Variants in HERC2 observed in about 807,000 individuals in gnomAD.
The protein encoded by HERC2 is E3 ubiquitin-protein ligase HERC2.
HERC2 carries 102 observed loss-of-function variants against 537.7 expected under a neutral mutation model. That is an observed-to-expected ratio of 0.19 (90% CI 0.16 to 0.22). The LOEUF is 0.22. Among genes scored for constraint, HERC2 ranks in the 10% least tolerant of loss-of-function variants. HERC2 has a pLI of 1.00. For synonymous variants in HERC2, 2,224 were observed against 2,466.2 expected (o/e 0.90, Z 2.91); for missense variants, 4,236 against 6,198.2 (o/e 0.68, Z 10.63).
intron 57 of HERC2, among the ~76,000 whole-genome samples, chr15:28,181,484 G>A (rs1895813172): frequency 6.6e-6 from 1 of 152,212 alleles, no homozygotes; most frequent in African/African-American, 2.4e-5. Flanking sequence ...GAGTTCAAAT[G>A]AATGAGTTCT....
At chr15:28,130,721 G>C in intron 81 of HERC2, 127 bp from the exon 82 acceptor site, 1 of 771,204 alleles carries the variant, frequency 1.3e-6, no homozygotes, top group South Asian at 1.5e-5. Context: ...AATAATTAGT[G>C]CAACATAAAA....
At chr15:28,131,567 C>T (rs1038434445) in intron 81 of HERC2, among the ~76,000 whole-genome samples, 3 of 152,186 alleles carry the variant, frequency 2.0e-5, no homozygotes, top group Non-Finnish European at 2.9e-5. Flanking sequence ...GATAAGAAAT[C>T]GCCTGCAGCC....
intron 69 of HERC2, among the ~76,000 whole-genome samples, chr15:28,162,816 A>C: frequency 6.6e-6 from 1 of 152,174 alleles, no homozygotes; most frequent in East Asian, 1.9e-4. Flanking sequence ...GTGTGAACCC[A>C]GGAGGCAGAG....
chr15:28,260,202 A>G (rs762411805), intron 16 of HERC2, among the ~76,000 whole-genome samples: 2 of 152,210 alleles, frequency 1.3e-5, no homozygotes, highest in South Asian at 4.2e-4. Context: ...AATGTTTAAG[A>G]AAAAGAAAAG....
Position 28,132,682 on chromosome 15 carries a change from C to A in HERC2, c.12379G>T (p.Asp4127Tyr). Residue 4127 changes from aspartate to tyrosine, a missense_variant, in exon 80 of 93, where the codon GAC becomes TAC. This residue lies in a region of HERC2 where 94 missense variants were observed against 137.4 expected (regional missense o/e 0.68). Coordinates refer to ENST00000261609, the MANE Select transcript of HERC2 (RefSeq NM_004667.6). ...KGRYGRLGHSDSEDQLKPKLV... is the reference protein window; with the variant it reads ...KGRYGRLGHSYSEDQLKPKLV... ...TTCGGCTTCAGCTGGTCCTCACTGT[C>A]GCTGTGCCCCAGCCGGCCGTAGCGG... 6.3e-7 allele frequency: 1 copy of A among 1,577,546 alleles called. No homozygotes were observed. Among genetic ancestry groups the A allele is most frequent in the Non-Finnish European group, 8.6e-7 (1 of 1,161,380 alleles).
At chr15:28,144,282 C>A in intron 72 of HERC2, 47 bp from the exon 73 acceptor site, 1 of 1,595,508 alleles carries the variant, frequency 6.3e-7, no homozygotes, top group Non-Finnish European at 8.6e-7. Flanking sequence ...AAGCTAGGTA[C>A]CACCCCATAA....
At chr15:28,253,100 CA>C (rs2075135890) in intron 20 of HERC2, among the ~76,000 whole-genome samples, 1 of 152,238 alleles carries the variant, frequency 6.6e-6, no homozygotes. Flanking sequence ...CATAGAGGTA[CA>C]AATGTGTTTC....
rs1466221657 is a variant in HERC2, at chr15:28,111,834, C to T, written c.14434G>A (p.Asp4812Asn). Reference protein sequence around the residue: ...TGEPAADDSSDDSDNEDVDSF... With the variant: ...TGEPAADDSSNDSDNEDVDSF... The stretch of plus-strand genomic sequence containing the variant: ...TCGACATCCTCGTTATCTGAATCGT[C>T]GCTGCTGTCGTCGGCGGCTGGCTCT... Residue 4812 changes from aspartate to asparagine, a missense_variant, in exon 93 of 93, where the codon GAC becomes AAC. Coordinates refer to ENST00000261609, the MANE Select transcript of HERC2 (RefSeq NM_004667.6). 3.1e-6 allele frequency: 5 copies of T among 1,614,230 alleles called. No individual in the cohort carries two copies. The highest frequency in any genetic ancestry group is 1.3e-5 in the African/African-American group (1 of 75,062).
chr15:28,142,567 C>G, intron 75 of HERC2, 174 bp from the exon 76 acceptor site: 1 of 695,010 alleles, frequency 1.4e-6, no homozygotes, highest in Non-Finnish European at 2.4e-6. Context: ...AGCCACGTGC[C>G]ACACAACTGC....
At chr15:28,238,832 C>G (rs1902740387) in intron 23 of HERC2, 60 bp from the exon 24 acceptor site, 6 of 1,244,976 alleles carry the variant, frequency 4.8e-6, no homozygotes, top group Admixed American at 3.4e-5. Context: ...ATGAAAAGAA[C>G]AAACTGTGTG....
intron 22 of HERC2, among the ~76,000 whole-genome samples, chr15:28,246,318 A>G (rs1406569633): frequency 1.3e-5 from 2 of 152,206 alleles, no homozygotes; most frequent in Non-Finnish European, 2.9e-5. Context: ...TCTTCTATTC[A>G]GAAAATTAAA....
Position 28,163,142 on chromosome 15 carries a change from C to T in HERC2, c.10698G>A (p.Arg3566=), listed in dbSNP as rs1026465893. 1.2e-6 allele frequency: 2 copies of T among 1,612,728 alleles called. No homozygotes were observed. Among genetic ancestry groups the T allele is most frequent in the Non-Finnish European group, 1.7e-6 (2 of 1,180,020 alleles). Residue 3566 remains arginine (R), a synonymous_variant, in exon 69 of 93, where the codon AGG becomes AGA. Transcript: ENST00000261609. ...CGGAAAGCACCGCGGAGAGCACATCCCTGCCCCTGTCCCCGGCCCGGCTGC... is the reference window on the plus strand; with the variant it reads ...CGGAAAGCACCGCGGAGAGCACATCTCTGCCCCTGTCCCCGGCCCGGCTGC... ...SVCSRAGDRG[R]DVLSAVLSGM...
At position 28,256,181 on chromosome 15, in the gene HERC2, G is replaced by A; in HGVS notation, c.2654C>T (p.Ala885Val). 1 of 1,601,426 alleles carries A rather than the reference G, an allele frequency of 6.2e-7. No homozygotes were observed. Among genetic ancestry groups the A allele is most frequent in the Non-Finnish European group, 8.5e-7 (1 of 1,179,776 alleles). ...GCCACTCTGCAGCACGGCCTGGGCG[G>A]CCGACTGCACGGTGCTCAGCACGCC... ...SAGVLSTVQS[A>V]AQAVLQSGWS... The change falls in exon 18 of 93, where the codon GCC becomes GTC. Residue 885 changes from alanine (A) to valine (V), a missense_variant. Around this residue, in one of 27 missense-constraint regions of HERC2, gnomAD observed 754 missense variants for 1,085.0 expected, o/e 0.69. Coordinates refer to ENST00000261609, the MANE Select transcript of HERC2 (RefSeq NM_004667.6).
At chr15:28,245,760 C>T (rs1903646824) in intron 23 of HERC2, 121 bp downstream of exon 23, 2 of 896,550 alleles carry the variant, frequency 2.2e-6, no homozygotes, top group Non-Finnish European at 3.5e-6. Context: ...TTTACTTATA[C>T]TACCATCAGT....
At position 28,114,044 on chromosome 15, in the gene HERC2, G is replaced by A. The variant is rs554652401; in HGVS notation, c.13914-366C>T. 2.0e-3 allele frequency among the ~76,000 whole-genome samples: 312 copies of A among 152,298 alleles called. 1 individual carries two copies. Among genetic ancestry groups the A allele is most frequent in the Non-Finnish European group, 3.8e-3 (256 of 68,022 alleles). Reference sequence around the variant, plus strand: ...GACCCACAGCAGACACGATACGGGGGACAGCACCGCCCAGGACACCTGCCA... The same window carrying A: ...GACCCACAGCAGACACGATACGGGGAACAGCACCGCCCAGGACACCTGCCA... On this transcript the variant is annotated intron_variant, in intron 90 of 92. Coordinates refer to ENST00000261609, the MANE Select transcript of HERC2 (RefSeq NM_004667.6).
intron 86 of HERC2, among the ~76,000 whole-genome samples, chr15:28,119,650 T>C (rs8034648): frequency 0.97 from 146,648 of 151,890 alleles, 70,915 homozygotes; most frequent in Non-Finnish European, 0.99. Context: ...GATGGGGTTT[T>C]ATCACGTTGC....
intron 7 of HERC2, 66 bp downstream of exon 7, chr15:28,274,225 T>A (rs2075812212): frequency 1.3e-6 from 2 of 1,545,064 alleles, no homozygotes; most frequent in Admixed American, 3.6e-5. Flanking sequence ...AAAGCAAGGG[T>A]GGTAAGAACC....
chr15:28,299,628 TAATAA>T (rs929142507), intron 2 of HERC2, 112 bp from the exon 3 acceptor site: 1 of 625,188 alleles, frequency 1.6e-6, no homozygotes, highest in African/African-American at 1.8e-5. Context: ...GATCATTTGG[TAATAA>T]AATCAATGAT....
chr15:28,129,305 T>G (rs1889846552), intron 83 of HERC2, among the ~76,000 whole-genome samples: 1 of 151,756 alleles, frequency 6.6e-6, no homozygotes, highest in Non-Finnish European at 1.5e-5. Flanking sequence ...GCTTCCAGAG[T>G]CCTCTCCCAC....
Sources: allele counts gnomAD v4.1 joint callset (sites outside exome capture counted in the v4.1 genomes callset), GRCh38; gene constraint gnomAD v4.1.1; regional missense constraint gnomAD v4.1.1; transcripts MANE v1.5; gene names NCBI Gene and HGNC (gene_info 2026-07-23, HGNC 2026-07-21).